HSD11B1: variants seen among roughly 807,000 people sequenced by gnomAD.
HSD11B1 encodes the protein 11-beta-hydroxysteroid dehydrogenase 1.
In HSD11B1, 15 loss-of-function variants were observed where a neutral mutation model predicts 22.1. The observed-to-expected ratio is 0.68, with a 90% confidence interval of 0.45 to 1.04. HSD11B1 has a LOEUF of 1.04. Ranked by LOEUF, HSD11B1 falls within the 50% of genes least tolerant of loss-of-function variation. The pLI is 0.00. For synonymous variants in HSD11B1, 122 were observed against 125.2 expected (o/e 0.97, Z 0.17); for missense variants, 281 against 357.6 (o/e 0.79, Z 1.73).
At chr1:209,700,585 A>C (rs890064684), upstream of HSD11B1, among the ~76,000 whole-genome samples, 2 of 152,114 alleles carry the variant, frequency 1.3e-5, no homozygotes, top group African/African-American at 4.8e-5. Flanking sequence ...CATTTTCCTC[A>C]TGGTTTTGGG....
upstream of HSD11B1, among the ~76,000 whole-genome samples, chr1:209,700,163 CTG>C (rs2102363429): frequency 6.6e-6 from 1 of 152,372 alleles, no homozygotes; most frequent in Non-Finnish European, 1.5e-5. Flanking sequence ...AGTAGGGACT[CTG>C]TGTTGGGTCT....
chr1:209,714,034 C>A (rs992409152), intron 4 of HSD11B1, among the ~76,000 whole-genome samples: 4 of 152,150 alleles, frequency 2.6e-5, no homozygotes, highest in Admixed American at 2.0e-4. Flanking sequence ...CTCATTCATT[C>A]ATTCATTCAA....
At chr1:209,694,171 T>C (rs2076777290) in intron 1 of HSD11B1, among the ~76,000 whole-genome samples, 1 of 152,230 alleles carries the variant, frequency 6.6e-6, no homozygotes, top group Non-Finnish European at 1.5e-5. Context: ...CCCAATTCTA[T>C]ATCTTTAACC....
upstream of HSD11B1, among the ~76,000 whole-genome samples, chr1:209,703,188 A>G (rs1446429424): frequency 6.6e-6 from 1 of 152,180 alleles, no homozygotes; most frequent in African/African-American, 2.4e-5. Context: ...TTTATGTCAG[A>G]CAATAAACAT....
chr1:209,705,358 T>G (rs2076850705), intron 1 of HSD11B1, among the ~76,000 whole-genome samples: 1 of 132,000 alleles, frequency 7.6e-6, no homozygotes, highest in South Asian at 2.3e-4. Flanking sequence ...ATGAAGAGAC[T>G]GATAAGTGGG....
intron 4 of HSD11B1, among the ~76,000 whole-genome samples, chr1:209,721,854 C>A (rs1421293853): frequency 6.6e-6 from 1 of 152,208 alleles, no homozygotes; most frequent in Non-Finnish European, 1.5e-5. Context: ...ACTTCCAGCC[C>A]TCCCTGTTGC....
chr1:209,701,144 C>T (rs1221178549), upstream of HSD11B1, among the ~76,000 whole-genome samples: 3 of 152,152 alleles, frequency 2.0e-5, no homozygotes, highest in African/African-American at 4.8e-5. Flanking sequence ...CCACTCTACT[C>T]GTACCAATTT....
intron 4 of HSD11B1, among the ~76,000 whole-genome samples, chr1:209,728,855 A>G (rs1204199885): frequency 6.6e-6 from 1 of 152,220 alleles, no homozygotes; most frequent in Non-Finnish European, 1.5e-5. Context: ...TTCAAATCTC[A>G]TTGGTCCAAA....
intron 5 of HSD11B1, among the ~76,000 whole-genome samples, chr1:209,733,156 C>CAA (rs2077046277): frequency 6.6e-6 from 1 of 152,130 alleles, no homozygotes; most frequent in Non-Finnish European, 1.5e-5. Flanking sequence ...TGAGACTTAT[C>CAA]AAAATACAAG....
chr1:209,690,851 T>G (rs1286517494), intron 1 of HSD11B1, among the ~76,000 whole-genome samples: 4 of 152,036 alleles, frequency 2.6e-5, no homozygotes, highest in African/African-American at 9.7e-5. Context: ...CTCTAATATC[T>G]TCTATTAAGA....
rs75151540 is a variant in HSD11B1 at position 209,690,743 on chromosome 1, T to C, written c.-49+4458T>C. On this transcript the variant is annotated intron_variant, in intron 1 of 6. Coordinates refer to the HSD11B1 transcript ENST00000261465. Reference sequence around the variant, plus strand: ...AAAATTAAACTTAAGCATTGGAAGATAAAATTGAGGAAATCTCCCAGAAAA... The same window carrying C: ...AAAATTAAACTTAAGCATTGGAAGACAAAATTGAGGAAATCTCCCAGAAAA... Among the ~76,000 whole-genome samples the C allele has an allele frequency of 5.0e-3, 758 of 151,576 alleles. 2 individuals carry two copies. The highest frequency in any genetic ancestry group is 8.7e-3 in the Non-Finnish European group (591 of 67,884).
At chr1:209,700,652 T>C (rs2076821140), upstream of HSD11B1, among the ~76,000 whole-genome samples, 1 of 152,252 alleles carries the variant, frequency 6.6e-6, no homozygotes, top group South Asian at 2.1e-4. Flanking sequence ...CTTGAATTTC[T>C]CCTCAAAAAA....
chr1:209,732,289 A>C, intron 4 of HSD11B1, 147 bp from the exon 5 acceptor site: 1 of 854,052 alleles, frequency 1.2e-6, no homozygotes, highest in Non-Finnish European at 1.9e-6. Flanking sequence ...AAAATTCAAC[A>C]CAGCAGTATA....
chr1:209,705,027 C>A lies in HSD11B1; in HGVS notation c.85C>A (p.Pro29Thr). ...CTATTCTGCAAACGAGGAATTCAGA[C>A]CAGGTAAGTACCCATGCGTCTCATT... ...YYYSANEEFR[P>T]EMLQGKKVIV... The change falls in exon 1 of 6, where the codon CCA (proline) becomes ACA (threonine). Residue 29 changes from proline (P) to threonine (T), a missense_variant. Coordinates refer to ENST00000367027, the MANE Select transcript of HSD11B1 (RefSeq NM_005525.4). 6.2e-7 allele frequency: 1 copy of A among 1,611,304 alleles called. No individual in the cohort carries two copies. Among genetic ancestry groups the A allele is most frequent in the Non-Finnish European group, 8.5e-7 (1 of 1,177,568 alleles).
intron 5 of HSD11B1, 126 bp from the exon 6 acceptor site, chr1:209,734,178 C>A: frequency 1.4e-6 from 1 of 728,142 alleles, no homozygotes; most frequent in Non-Finnish European, 2.4e-6. Context: ...CCCTATAGTG[C>A]CTGTGAGGCT....
chr1:209,719,586 T>G (rs1165810666), intron 4 of HSD11B1, among the ~76,000 whole-genome samples: 1 of 152,124 alleles, frequency 6.6e-6, no homozygotes, highest in East Asian at 1.9e-4. Flanking sequence ...GGCCCCGGCG[T>G]GTGATGTTCC....
intron 4 of HSD11B1, among the ~76,000 whole-genome samples, chr1:209,727,995 G>C (rs890144124): frequency 6.6e-6 from 1 of 152,124 alleles, no homozygotes; most frequent in African/African-American, 2.4e-5. Flanking sequence ...GTGCATATTC[G>C]TGATAACTGG....
intron 1 of HSD11B1, among the ~76,000 whole-genome samples, chr1:209,694,602 A>G (rs1230288627): frequency 6.6e-6 from 1 of 152,212 alleles, no homozygotes; most frequent in Non-Finnish European, 1.5e-5. Flanking sequence ...ACTTTATCCT[A>G]AAGACAATAA....
chr1:209,705,084 G>A, intron 1 of HSD11B1, 54 bp downstream of exon 1: 1 of 1,365,066 alleles, frequency 7.3e-7, no homozygotes, highest in Non-Finnish European at 1.0e-6. Flanking sequence ...ACACAGGGGT[G>A]CTTGAGTGTT....
Sources: allele counts gnomAD v4.1 joint callset (sites outside exome capture counted in the v4.1 genomes callset), GRCh38; gene constraint gnomAD v4.1.1; transcripts MANE v1.5; gene names NCBI Gene and HGNC (gene_info 2026-07-23, HGNC 2026-07-21).